The following CEP85L variants were observed in gnomAD, a reference collection of about 807,000 sequenced individuals.
CEP85L encodes the protein centrosomal protein of 85 kDa-like.
A neutral mutation model predicts 100.3 loss-of-function variants in CEP85L; 60 were observed. The observed-to-expected ratio is 0.60, with a 90% confidence interval of 0.49 to 0.74. The LOEUF (loss-of-function observed/expected upper bound fraction) is 0.74, where lower values mean the gene tolerates loss of function less well. Ranked by LOEUF, CEP85L falls within the 30% of genes least tolerant of loss-of-function variation. The pLI is 0.00. For missense variants in CEP85L, 973 were observed against 936.2 expected (o/e 1.04, Z -0.51); for synonymous variants, 319 against 322.7 (o/e 0.99, Z 0.12).
chr6:118,481,012 T>C (rs1773740645), intron 8 of CEP85L, among the ~76,000 whole-genome samples: 1 of 152,024 alleles, frequency 6.6e-6, no homozygotes, highest in Admixed American at 6.6e-5. Flanking sequence ...TCTTTTTTTT[T>C]TTAACTTTTA....
At chr6:118,691,739 CAA>C (rs112878584) in intron 1 of CEP85L, among the ~76,000 whole-genome samples, 1 of 134,610 alleles carries the variant, frequency 7.4e-6, no homozygotes. Context: ...AACTCCATCT[CAA>C]AAAAAAAAAA....
chr6:118,630,433 T>C (rs1774072086), intron 2 of CEP85L, among the ~76,000 whole-genome samples: 1 of 152,196 alleles, frequency 6.6e-6, no homozygotes, highest in Non-Finnish European at 1.5e-5. Context: ...AACCTCATCA[T>C]TCTTCAGCTG....
chr6:118,577,920 T>G (rs1483617069), intron 2 of CEP85L, among the ~76,000 whole-genome samples: 1 of 152,236 alleles, frequency 6.6e-6, no homozygotes, highest in Non-Finnish European at 1.5e-5. Flanking sequence ...CGTGGATTAG[T>G]GCAAAGGCTT....
At chr6:118,484,409 G>A (rs968895529) in intron 6 of CEP85L, among the ~76,000 whole-genome samples, 11 of 152,108 alleles carry the variant, frequency 7.2e-5, no homozygotes, top group Admixed American at 4.6e-4. Flanking sequence ...TACCATGGAC[G>A]GCATCCTATA....
chr6:118,591,211 G>A (rs1306001002), intron 2 of CEP85L, among the ~76,000 whole-genome samples: 1 of 152,134 alleles, frequency 6.6e-6, no homozygotes, highest in East Asian at 1.9e-4. Flanking sequence ...GGAGAACAGG[G>A]TCTGGAGGCA....
chr6:118,651,677 G>A, upstream of CEP85L: 1 of 846,250 alleles, frequency 1.2e-6, no homozygotes, highest in Non-Finnish European at 1.4e-6. Context: ...CGTGCGCGGC[G>A]CCGCGCGGGG....
intron 2 of CEP85L, among the ~76,000 whole-genome samples, chr6:118,572,557 C>T (rs777469376): frequency 6.7e-6 from 1 of 149,668 alleles, no homozygotes; most frequent in Non-Finnish European, 1.5e-5. Flanking sequence ...GGAGACAGAG[C>T]GAGACTCTGT....
chr6:118,650,876 C>T (rs540337237), intron 1 of CEP85L, among the ~76,000 whole-genome samples: 1 of 152,226 alleles, frequency 6.6e-6, no homozygotes, highest in South Asian at 2.1e-4. Context: ...TCACACACCC[C>T]ACGAGTAAAA....
intron 3 of CEP85L, among the ~76,000 whole-genome samples, chr6:118,550,119 C>T (rs751739126): frequency 6.6e-5 from 10 of 151,820 alleles, no homozygotes; most frequent in East Asian, 5.8e-4. Flanking sequence ...GTTTTAAAAA[C>T]GCATGAAAGA....
intron 4 of CEP85L, among the ~76,000 whole-genome samples, chr6:118,518,665 T>C (rs2114756003): frequency 6.6e-6 from 1 of 152,298 alleles, no homozygotes; most frequent in African/African-American, 2.4e-5. Flanking sequence ...ATTTTGTTGA[T>C]CTTTTCAAAA....
chr6:118,505,149 A>G (rs1230856966), intron 5 of CEP85L, among the ~76,000 whole-genome samples: 2 of 152,090 alleles, frequency 1.3e-5, no homozygotes, highest in East Asian at 3.9e-4. Context: ...TCAAAAAGTT[A>G]TCACAGGTGG....
intron 2 of CEP85L, among the ~76,000 whole-genome samples, chr6:118,569,341 CAAAAAAAAAAAAA>C (rs56123225): frequency 4.4e-5 from 3 of 68,196 alleles, no homozygotes; most frequent in East Asian, 5.7e-4. Flanking sequence ...GACTCTGTCT[CAAAAAAAAAAAAA>C]AAAAAAAAAA....
chr6:118,624,337 C>T (rs555848329), intron 2 of CEP85L, among the ~76,000 whole-genome samples: 1 of 152,234 alleles, frequency 6.6e-6, no homozygotes, highest in Non-Finnish European at 1.5e-5. Context: ...CCTGCCAGGA[C>T]AAAAATCCTG....
In CEP85L at chr6:118,521,025, A is replaced by C. The variant is rs539184555; in HGVS notation, c.1139+2777T>G. Among the ~76,000 whole-genome samples the C allele has an allele frequency of 6.6e-5, 10 of 152,316 alleles. No individual in the cohort carries two copies. In the East Asian group the frequency reaches 1.7e-3, roughly 26 times the overall value. ...AAAGTTATACGCAGTGTGAAAAAAA[A>C]CACATTTTTTCTCATGTAATTTTGG... On this transcript the variant is annotated intron_variant, in intron 4 of 12. Transcript: ENST00000368491.
chr6:118,627,162 G>A (rs2096265), intron 2 of CEP85L, among the ~76,000 whole-genome samples: 97,467 of 142,694 alleles, frequency 0.68, 33,635 homozygotes, highest in Middle Eastern at 0.76. Flanking sequence ...TCCCGCCACC[G>A]CACTCCTGCC....
intron 1 of CEP85L, among the ~76,000 whole-genome samples, chr6:118,639,089 A>G (rs1013842831): frequency 1.3e-5 from 2 of 152,238 alleles, no homozygotes; most frequent in Non-Finnish European, 2.9e-5. Context: ...AATGCAGATT[A>G]TCTGTCACCC....
Position 118,620,846 on chromosome 6 carries a change from G to C in CEP85L, c.232+11607C>G, listed in dbSNP as rs148031266. On this transcript the variant is annotated intron_variant, in intron 2 of 12. Transcript: ENST00000368491. Reference sequence around the variant, plus strand: ...CCCACCTCCTCAGCTGCAACTGGGAGACCTTGCTCTTTTCACGTCTTTCTT... The same window carrying C: ...CCCACCTCCTCAGCTGCAACTGGGACACCTTGCTCTTTTCACGTCTTTCTT... 3.7e-3 allele frequency among the ~76,000 whole-genome samples: 566 copies of C among 152,272 alleles called. 3 individuals carry two copies. The highest frequency in any genetic ancestry group is 0.013 in the African/African-American group (540 of 41,550).
chr6:118,708,597 A>G (rs1206028583), intron 1 of CEP85L, among the ~76,000 whole-genome samples: 1 of 152,216 alleles, frequency 6.6e-6, no homozygotes, highest in East Asian at 1.9e-4. Flanking sequence ...GGTAGCCAAA[A>G]TGCTGTTTTT....
At chr6:118,525,455 T>C (rs1231282551) in intron 3 of CEP85L, among the ~76,000 whole-genome samples, 2 of 152,188 alleles carry the variant, frequency 1.3e-5, no homozygotes, top group African/African-American at 4.8e-5. Flanking sequence ...ATGAGCTCCT[T>C]AAGGTAAGGC....
Sources: allele counts gnomAD v4.1 joint callset (sites outside exome capture counted in the v4.1 genomes callset), GRCh38; gene constraint gnomAD v4.1.1; transcripts MANE v1.5; gene names NCBI Gene and HGNC (gene_info 2026-07-23, HGNC 2026-07-21).